Variants in MYO9A observed in about 807,000 individuals in gnomAD.
The protein encoded by MYO9A is myosin IXA, also known as unconventional myosin-IXa.
In MYO9A, 103 loss-of-function variants were observed where a neutral mutation model predicts 293.3. That is an observed-to-expected ratio of 0.35 (90% CI 0.30 to 0.41). The LOEUF (loss-of-function observed/expected upper bound fraction) is 0.41. MYO9A is among the 10% of genes least tolerant of loss of function. The probability of loss-of-function intolerance (pLI) is 1.00; values close to 1 mark genes in which losing one functional copy is unlikely to be tolerated. For missense variants in MYO9A, 2,685 were observed against 3,033.0 expected, an observed-to-expected ratio of 0.89 and a Z score of 2.69; for synonymous variants, 1,001 against 1,035.7, an observed-to-expected ratio of 0.97 and a Z score of 0.64.
intron 1 of MYO9A, among the ~76,000 whole-genome samples, chr15:72,080,922 C>T (rs1381184975): frequency 6.6e-6 from 1 of 152,058 alleles, no homozygotes; most frequent in East Asian, 1.9e-4. Flanking sequence ...CACAGTATTC[C>T]ATGGTGTATA....
chr15:71,909,619 A>C (rs976277843), intron 19 of MYO9A, among the ~76,000 whole-genome samples: 7 of 152,068 alleles, frequency 4.6e-5, no homozygotes, highest in South Asian at 2.1e-4. Context: ...CTACTTTTCA[A>C]CTATCTTTGT....
intron 1 of MYO9A, among the ~76,000 whole-genome samples, chr15:72,066,421 G>A (rs1437307489): frequency 6.6e-6 from 1 of 151,474 alleles, no homozygotes; most frequent in East Asian, 1.9e-4. Flanking sequence ...GGGTGGTGGA[G>A]GTTGCAGTGA....
Position 71,897,718 on chromosome 15 carries a change from G to A in MYO9A, c.4785C>T (p.Pro1595=). The change falls in exon 25 of 42, where the codon CCC becomes CCT. Residue 1595 remains proline (P), a synonymous_variant. Transcript: ENST00000356056. ...AQKDSSSAHL[P]PKDRPVTVFF... ...ACACGGTGACAGGTCGGTCCTTTGG[G>A]GGTAAGTGAGCAGAGGAACTGTCTT... The A allele has an allele frequency of 6.2e-7, 1 of 1,614,106 alleles. No individual in the cohort carries two copies. The highest frequency in any genetic ancestry group is 8.5e-7 in the Non-Finnish European group (1 of 1,180,030).
At chr15:72,016,485 T>C (rs1006983053) in intron 6 of MYO9A, among the ~76,000 whole-genome samples, 7 of 152,226 alleles carry the variant, frequency 4.6e-5, no homozygotes, top group Admixed American at 2.6e-4. Flanking sequence ...GGACCATTTA[T>C]ACAATTCCAC....
intron 4 of MYO9A, among the ~76,000 whole-genome samples, chr15:72,022,714 AT>A (rs1038723912): frequency 6.6e-6 from 1 of 151,740 alleles, no homozygotes. Flanking sequence ...AATCTGGCTA[AT>A]TTTTGTATTT....
chr15:71,826,969 T>C lies in MYO9A; in HGVS notation c.7258A>G (p.Lys2420Glu). The change falls in exon 42 of 42, where the codon AAA becomes GAA. Residue 2420 changes from lysine (K) to glutamate (E), a missense_variant. Lys to Glu is a moderately conservative substitution (Grantham distance 56). Coordinates refer to ENST00000356056, the MANE Select transcript of MYO9A (RefSeq NM_006901.4). ...ACATCTAAAGAGTCTTGCTGCTTTT[T>C]AAGTTGCTTTCGCAACTTGCTGGAA... is the stretch of plus-strand genomic sequence containing the variant. ...EPSSKLRKQL[K>E]KQQDSLDVVD... 6.2e-7 allele frequency: 1 copy of C among 1,613,720 alleles called. No individual in the cohort carries two copies. Among genetic ancestry groups the C allele is most frequent in the Non-Finnish European group, 8.5e-7 (1 of 1,179,852 alleles).
At chr15:72,033,691 T>C (rs962243802) in intron 2 of MYO9A, among the ~76,000 whole-genome samples, 1 of 152,222 alleles carries the variant, frequency 6.6e-6, no homozygotes, top group African/African-American at 2.4e-5. Context: ...AGATAATCTA[T>C]AGCTCAATTC....
At chr15:71,997,994 T>C (rs114707324) in intron 9 of MYO9A, among the ~76,000 whole-genome samples, 4,139 of 152,214 alleles carry the variant, frequency 0.027, 83 homozygotes, top group African/African-American at 0.039. Flanking sequence ...GGAATAGAAA[T>C]CATTCTATCA....
chr15:71,870,116 T>C (rs780611514), intron 32 of MYO9A, among the ~76,000 whole-genome samples: 43 of 152,160 alleles, frequency 2.8e-4, no homozygotes, highest in African/African-American at 9.4e-4. Context: ...TGGGCTCTCT[T>C]GTCCTTTTTT....
intron 17 of MYO9A, among the ~76,000 whole-genome samples, chr15:71,934,260 T>C (rs1441915091): frequency 6.6e-6 from 1 of 151,214 alleles, no homozygotes; most frequent in Non-Finnish European, 1.5e-5. Context: ...CCAACGCTTA[T>C]GAATATGGGC....
chr15:71,920,437 A>G (rs888391937), intron 18 of MYO9A, among the ~76,000 whole-genome samples: 1 of 152,118 alleles, frequency 6.6e-6, no homozygotes, highest in African/African-American at 2.4e-5. Context: ...GGCCCAAAAG[A>G]GCTGCCATGT....
chr15:72,046,294 G>A lies in MYO9A; in HGVS notation c.270C>T (p.Pro90=), dbSNP rs2078383311. Residue 90 remains proline (P), a synonymous_variant, in exon 2 of 42, where the codon CCC becomes CCT. Coordinates refer to ENST00000356056, the MANE Select transcript of MYO9A (RefSeq NM_006901.4). ...TTAAGCGATTTTCCAGAGCCATTCG[G>A]GGCCACAGCATCATTCGCTGAACTG... ...DCPVQRMMLW[P]RMALENRLSG... The A allele has an allele frequency of 1.2e-6, 2 of 1,613,980 alleles. No individual in the cohort carries two copies. The highest frequency in any genetic ancestry group is 1.7e-5 in the Admixed American group (1 of 60,002).
At chr15:72,105,411 G>A (rs963325408) in intron 1 of MYO9A, among the ~76,000 whole-genome samples, 1 of 151,148 alleles carries the variant, frequency 6.6e-6, no homozygotes. Context: ...TGTTTTGGTA[G>A]AGACAGGGTC....
intron 1 of MYO9A, among the ~76,000 whole-genome samples, chr15:72,109,202 A>C (rs912043076): frequency 4.6e-5 from 7 of 152,054 alleles, no homozygotes; most frequent in African/African-American, 7.2e-5. Context: ...CATCCTGACT[A>C]ACACCGTGAA....
intron 39 of MYO9A, among the ~76,000 whole-genome samples, chr15:71,833,419 T>G (rs1408180163): frequency 6.6e-6 from 1 of 152,138 alleles, no homozygotes; most frequent in African/African-American, 2.4e-5. Context: ...AGGTTCATAT[T>G]ATGAAGAATA....
intron 1 of MYO9A, among the ~76,000 whole-genome samples, chr15:72,103,423 A>AAGCAGCAGCAGCAGAAGC (rs1567044473): frequency 6.8e-6 from 1 of 146,084 alleles, no homozygotes; most frequent in Non-Finnish European, 1.5e-5. Context: ...GCAGCAGCAG[A>AAGCAGCAGCAGCAGAAGC]AGCAGCAGCA....
chr15:71,956,320 A>ATATAT (rs1567314762), intron 14 of MYO9A, among the ~76,000 whole-genome samples: 1 of 17,464 alleles, frequency 5.7e-5, no homozygotes, highest in African/African-American at 1.3e-4. Flanking sequence ...TAAAAAAAAA[A>ATATAT]AAAAAAAAAA....
At chr15:71,975,540 G>C (rs908308294) in intron 12 of MYO9A, among the ~76,000 whole-genome samples, 2 of 151,620 alleles carry the variant, frequency 1.3e-5, no homozygotes, top group Admixed American at 1.3e-4. Context: ...GAGTGCTTTA[G>C]GTCTCAGGAG....
At chr15:71,925,236 T>TATATAC in intron 18 of MYO9A, among the ~76,000 whole-genome samples, 1 of 69,362 alleles carries the variant, frequency 1.4e-5, no homozygotes, top group Admixed American at 1.6e-4. Flanking sequence ...TATATACACA[T>TATATAC]ATATATACAT....
Sources: gnomAD v4.1 joint callset for allele counts (sites outside exome capture counted in the v4.1 genomes callset) on GRCh38, gnomAD v4.1.1 for gene constraint, MANE v1.5 for transcripts, NCBI Gene and HGNC (gene_info 2026-07-23, HGNC 2026-07-21) for gene names.